Variants in EVPLL observed in about 807,000 individuals in gnomAD.
The protein encoded by EVPLL is envoplakin like.
A neutral mutation model predicts 46.2 loss-of-function variants in EVPLL; 39 were observed. The ratio of observed to expected loss-of-function variants is 0.84; its 90% CI spans 0.65 to 1.10. EVPLL has a LOEUF of 1.10. Among genes scored for constraint, EVPLL ranks in the 50% least tolerant of loss-of-function variants. EVPLL has a pLI of 0.00. For missense variants in EVPLL, 385 were observed against 412.6 expected, an observed-to-expected ratio of 0.93 and a Z score of 0.58; for synonymous variants, 156 against 165.8, an observed-to-expected ratio of 0.94 and a Z score of 0.46.
chr17:18,386,180 T>G (rs1315071931), intron 9 of EVPLL, among the ~76,000 whole-genome samples: 2 of 152,150 alleles, frequency 1.3e-5, no homozygotes, highest in Non-Finnish European at 2.9e-5. Context: ...GTCTCTCTCC[T>G]GGCGTGTAGG....
chr17:18,381,733 CAGG>C lies in EVPLL; in HGVS notation c.346+6_346+8del. On this transcript the variant is annotated splice_donor_5th_base_variant and intron_variant, in intron 4 of 10. Coordinates refer to ENST00000399134, the MANE Select transcript of EVPLL (RefSeq NM_001145127.2). This position sits in a 1 kb window ranked among gnomAD's most constrained non-coding sequence, Gnocchi z 4.2. The stretch of plus-strand genomic sequence containing the variant: ...CACACGTGCTGGAGCAGAAACAGGT[CAGG>C]AGCTCAAAGTCACACCCCAGTGTGA... 6.2e-7 allele frequency: 1 copy of C among 1,614,142 alleles called. No individual in the cohort carries two copies. The highest frequency in any genetic ancestry group is 8.5e-7 in the Non-Finnish European group (1 of 1,180,032).
rs891135356 is a variant in EVPLL, at chr17:18,381,245, G to C, written c.64-122G>C. On this transcript the variant is annotated intron_variant, in intron 2 of 10. Transcript: ENST00000399134. The surrounding 1 kb of genome is among the most constrained non-coding windows in gnomAD (Gnocchi z 4.2). ...CCCTGGGCCTGACCCTGTGCCTGGC[G>C]TGGGCCTCGAGGTTGGCCAGCATAG... 3 of 1,425,308 alleles carry C rather than the reference G, an allele frequency of 2.1e-6. No homozygotes were observed. The highest frequency in any genetic ancestry group is 2.9e-5 in the African/African-American group (2 of 69,734). The allele number at this position is 1,425,308 out of a possible 1,614,324, so 88.3% of individuals were successfully genotyped here.
At position 18,379,368 on chromosome 17, in the gene EVPLL, C is replaced by A. The variant is rs143307365; in HGVS notation, c.-37+1385C>A. Among the ~76,000 whole-genome samples, 240 of 152,356 alleles carry A rather than the reference C, an allele frequency of 1.6e-3. 1 individual carries two copies. Among genetic ancestry groups the A allele is most frequent in the African/African-American group, 5.4e-3 (224 of 41,582 alleles). ...GGCACCAACAGACACCGAGTCTGGG[C>A]GTCTGGGCCGACGGGAAAGACAGTG... On this transcript the variant is annotated intron_variant, in intron 1 of 10. Transcript: ENST00000399134.
At chr17:18,383,759 G>A in intron 9 of EVPLL, 172 bp downstream of exon 9, 1 of 623,176 alleles carries the variant, frequency 1.6e-6, no homozygotes, top group Non-Finnish European at 2.8e-6. Flanking sequence ...GATCACTTGA[G>A]GTCAGGAGTT....
chr17:18,388,030 A>ATATATATATACACATATATATG, intron 9 of EVPLL, 189 bp from the exon 10 acceptor site: 1 of 144,972 alleles, frequency 6.9e-6, no homozygotes, highest in Non-Finnish European at 1.4e-5. Context: ...CTCTCTCCAT[A>ATATATATATACACATATATATG]TATATATATA....
Position 18,381,883 on chromosome 17 carries a change from A to G in EVPLL, c.346+153A>G, listed in dbSNP as rs2151628158. ...AGCAGAGGAGACAGTGCAGTCAGGG[A>G]AGACTTCCTGTAGGAGGAGGCACAT... is the stretch of plus-strand genomic sequence containing the variant. On this transcript the variant is annotated intron_variant, in intron 4 of 10. Coordinates refer to ENST00000399134, the MANE Select transcript of EVPLL (RefSeq NM_001145127.2). The surrounding 1 kb of genome is among the most constrained non-coding windows in gnomAD (Gnocchi z 4.2). 1 of 1,261,814 alleles carries G rather than the reference A, an allele frequency of 7.9e-7. No individual in the cohort carries two copies. Among genetic ancestry groups the G allele is most frequent in the Non-Finnish European group, 1.1e-6 (1 of 910,962 alleles). The allele number at this position is 1,261,814 out of a possible 1,614,324, so 78.2% of individuals were successfully genotyped here.
intron 1 of EVPLL, 82 bp downstream of exon 1, chr17:18,378,065 G>A (rs1241891314): frequency 1.8e-5 from 8 of 445,836 alleles, no homozygotes; most frequent in South Asian, 1.4e-4. Context: ...ACCTGGCGGC[G>A]GCCCAGAGCC....
Position 18,382,637 on chromosome 17 carries a change from C to T in EVPLL, c.471C>T (p.Ala157=), listed in dbSNP as rs1326264023. 1.3e-6 allele frequency: 2 copies of T among 1,549,692 alleles called. No homozygotes were observed. The highest frequency in any genetic ancestry group is 1.7e-6 in the Non-Finnish European group (2 of 1,145,940). ...PRRAAAEPGG[A]GCRHHPEPIP... is the part of the protein sequence containing the mutation. Reference sequence around the variant, plus strand: ...GAGCAGCTGCGGAGCCTGGTGGGGCCGGTGGGTGAGCCGGGAAGATGTTAC... The same window carrying T: ...GAGCAGCTGCGGAGCCTGGTGGGGCTGGTGGGTGAGCCGGGAAGATGTTAC... The change falls in exon 5 of 11, where the codon GCC becomes GCT. Residue 157 remains alanine, a splice_region_variant and synonymous_variant. Coordinates refer to ENST00000399134, the MANE Select transcript of EVPLL (RefSeq NM_001145127.2).
intron 1 of EVPLL, among the ~76,000 whole-genome samples, chr17:18,378,523 G>A (rs1987455850): frequency 6.6e-6 from 1 of 152,156 alleles, no homozygotes; most frequent in African/African-American, 2.4e-5. Context: ...AAGAGTTAGG[G>A]GTTCATGGCT....
chr17:18,380,955 C>G lies in EVPLL; in HGVS notation c.18C>G (p.Asp6Glu). Residue 6 changes from aspartate to glutamate, a missense_variant, in exon 2 of 11, where the codon GAC (aspartate) becomes GAG (glutamate). Physicochemically the swap from Asp to Glu is conservative, Grantham distance 45. Transcript: ENST00000399134. Reference protein sequence around the residue: MQASADQVERDILETQ... With the variant: MQASAEQVERDILETQ... ...TCTCCCACATGCAAGCCAGCGCCGACCAGGTGGAGCGGGACATCCTGGAGA... is the reference window on the plus strand; with the variant it reads ...TCTCCCACATGCAAGCCAGCGCCGAGCAGGTGGAGCGGGACATCCTGGAGA... 1 of 1,596,538 alleles carries G rather than the reference C, an allele frequency of 6.3e-7. No individual in the cohort carries two copies.
chr17:18,382,676 C>G (rs1253301506), intron 5 of EVPLL, 38 bp downstream of exon 5: 5 of 1,552,242 alleles, frequency 3.2e-6, no homozygotes, highest in Middle Eastern at 1.7e-4. Context: ...CGGGGCCAGC[C>G]CCAGCCCCTG....
chr17:18,388,324 C>G, intron 10 of EVPLL, 36 bp downstream of exon 10: 5 of 960,480 alleles, frequency 5.2e-6, no homozygotes. Flanking sequence ...AGCAAAGGGT[C>G]TTCTGGTTGT....
chr17:18,387,097 C>T (rs542876210), intron 9 of EVPLL, among the ~76,000 whole-genome samples: 227 of 150,046 alleles, frequency 1.5e-3, no homozygotes, highest in African/African-American at 5.4e-3. Flanking sequence ...GACGGGCTTT[C>T]ACCATGTTAG....
In EVPLL at chr17:18,380,621, C is replaced by G. The variant is rs1318062156; in HGVS notation, c.-36-281C>G. ...CTGGGTGGGGTCGGGAACTCACTGC[C>G]AGCACAGCTGGCTGAGGCTGGGACA... On this transcript the variant is annotated intron_variant, in intron 1 of 10. Coordinates refer to ENST00000399134, the MANE Select transcript of EVPLL (RefSeq NM_001145127.2). The G allele has an allele frequency of 1.9e-5, 6 of 309,356 alleles. No homozygotes were observed. The East Asian group carries it at 2.9e-4, about 15-fold the overall frequency. 19.2% of individuals were successfully genotyped at this position (309,356 alleles called of 1,614,324 possible).
chr17:18,380,705 C>T (rs2151627033), intron 1 of EVPLL, 197 bp from the exon 2 acceptor site: 2 of 566,678 alleles, frequency 3.5e-6, no homozygotes, highest in South Asian at 4.4e-5. Flanking sequence ...TTTGACCCCT[C>T]ATGTGGCGGG....
In EVPLL at chr17:18,383,340, A is replaced by C. The variant is rs565448110; in HGVS notation, c.742A>C (p.Met248Leu). Residue 248 changes from methionine to leucine, a missense_variant, in exon 8 of 11, where the codon ATG becomes CTG. Coordinates refer to ENST00000399134, the MANE Select transcript of EVPLL (RefSeq NM_001145127.2). ...VNQLEEDGKR[M>L]VELRHPAVGP... Reference sequence around the variant, plus strand: ...CCAGCTGGAGGAGGACGGCAAGCGCATGGTGGAGCTGCGGCACCCCGCGGT... The same window carrying C: ...CCAGCTGGAGGAGGACGGCAAGCGCCTGGTGGAGCTGCGGCACCCCGCGGT... The C allele has an allele frequency of 2.2e-5, 34 of 1,531,038 alleles. No homozygotes were observed. In the East Asian group the frequency reaches 8.8e-4, roughly 40 times the overall value. 94.8% of individuals were successfully genotyped at this position (1,531,038 alleles called of 1,614,324 possible).
At chr17:18,383,808 A>G in intron 9 of EVPLL, 3 of 534,464 alleles carry the variant, frequency 5.6e-6, no homozygotes, top group Non-Finnish European at 1.0e-5. Context: ...CCCTGTCTCT[A>G]CTAAAAATAC....
At chr17:18,386,144 G>A (rs1987757209) in intron 9 of EVPLL, among the ~76,000 whole-genome samples, 2 of 152,112 alleles carry the variant, frequency 1.3e-5, no homozygotes, top group South Asian at 2.1e-4. Context: ...CCCTTTCCAG[G>A]GCGGTGCGGG....
chr17:18,382,512 G>T lies in EVPLL; in HGVS notation c.347-1G>T. The stretch of plus-strand genomic sequence containing the variant: ...TGACTGAGCCGCCGGCTCTCCTGCA[G>T]AAGCTGGTCTGCGCAGGCCAGTATG... On this transcript the variant is annotated splice_acceptor_variant, in intron 4 of 10. Coordinates refer to ENST00000399134, the MANE Select transcript of EVPLL (RefSeq NM_001145127.2). LOFTEE classifies it high-confidence loss of function. The T allele has an allele frequency of 6.4e-7, 1 of 1,551,656 alleles. No homozygotes were observed. The highest frequency in any genetic ancestry group is 8.7e-7 in the Non-Finnish European group (1 of 1,146,970).
Sources: gnomAD v4.1 joint callset for allele counts (sites outside exome capture counted in the v4.1 genomes callset) on GRCh38, gnomAD v4.1.1 for gene constraint, Gnocchi (gnomAD v3.1) non-coding constraint, MANE v1.5 for transcripts, NCBI Gene and HGNC (gene_info 2026-07-23, HGNC 2026-07-21) for gene names.